The following NTRK2 variants were observed in gnomAD, a reference collection of about 807,000 sequenced individuals.
NTRK2 encodes neurotrophic receptor tyrosine kinase 2.
Under a neutral mutation model 94.5 loss-of-function variants are expected in NTRK2, and 13 were observed. The ratio of observed to expected loss-of-function variants is 0.14; its 90% confidence interval spans 0.09 to 0.22. The LOEUF is 0.22. Ranked by LOEUF, NTRK2 falls within the 10% of genes least tolerant of loss-of-function variation. NTRK2 has a pLI of 1.00. For synonymous variants in NTRK2, 372 were observed against 407.4 expected (o/e 0.91, Z 1.05); for missense variants, 639 against 1,071.2 (o/e 0.60, Z 5.63).
intron 4 of NTRK2, among the ~76,000 whole-genome samples, chr9:84,703,971 A>C (rs2131718663): frequency 6.6e-6 from 1 of 152,276 alleles, no homozygotes; most frequent in Middle Eastern, 3.4e-3. Context: ...TCAGTGGTTA[A>C]GTTCTGGTAT....
At chr9:84,902,115 G>A (rs1482000944) in intron 14 of NTRK2, among the ~76,000 whole-genome samples, 2 of 151,388 alleles carry the variant, frequency 1.3e-5, no homozygotes, top group East Asian at 3.9e-4. Context: ...AGAATTGTTT[G>A]AACCTGGGAG....
intron 12 of NTRK2, among the ~76,000 whole-genome samples, chr9:84,790,689 A>C (rs4877881): frequency 0.084 from 12,838 of 152,162 alleles, 952 homozygotes; most frequent in African/African-American, 0.19. Context: ...ATATGGTTTT[A>C]AGTGTGGGGC....
chr9:84,926,618 G>T (rs2077830248), intron 14 of NTRK2, among the ~76,000 whole-genome samples: 1 of 151,984 alleles, frequency 6.6e-6, no homozygotes, highest in Non-Finnish European at 1.5e-5. Flanking sequence ...AATCCACTCT[G>T]GACTTTTCTT....
At chr9:84,891,382 T>C (rs894925239) in intron 14 of NTRK2, among the ~76,000 whole-genome samples, 5 of 151,888 alleles carry the variant, frequency 3.3e-5, no homozygotes, top group African/African-American at 1.2e-4. Flanking sequence ...CACGGTGCAT[T>C]GGAGGCCATC....
At chr9:84,982,120 C>A (rs531641087) in intron 17 of NTRK2, among the ~76,000 whole-genome samples, 1 of 152,306 alleles carries the variant, frequency 6.6e-6, no homozygotes, top group East Asian at 1.9e-4. Context: ...ATATTTTGCA[C>A]ACCCCCATGG....
intron 9 of NTRK2, among the ~76,000 whole-genome samples, chr9:84,738,149 G>T (rs1192788022): frequency 6.6e-6 from 1 of 151,344 alleles, no homozygotes; most frequent in Non-Finnish European, 1.5e-5. Context: ...AAGATTTAAG[G>T]CTTGACGCTA....
chr9:84,778,143 G>A (rs797004356), intron 12 of NTRK2, among the ~76,000 whole-genome samples: 61 of 152,194 alleles, frequency 4.0e-4, no homozygotes, highest in African/African-American at 1.4e-3. Context: ...GGCACCTGTC[G>A]TCCCAGCTAC....
At chr9:84,889,207 G>T (rs2076522201) in intron 14 of NTRK2, among the ~76,000 whole-genome samples, 1 of 149,238 alleles carries the variant, frequency 6.7e-6, no homozygotes, top group South Asian at 2.1e-4. Context: ...AGCCAGGATG[G>T]TCTCGATCTC....
In NTRK2 at chr9:85,025,999, G is replaced by T. The variant is rs1833014456; in HGVS notation, c.*4562G>T. Reference sequence around the variant, plus strand: ...GCTGGAATGAATCACTGCTGCTCAAGTCAAAGGTTCTTGAATATCCTTAGT... The same window carrying T: ...GCTGGAATGAATCACTGCTGCTCAATTCAAAGGTTCTTGAATATCCTTAGT... On this transcript the variant is annotated 3_prime_UTR_variant, in exon 19 of 19. Transcript: ENST00000277120. 1 of 232,186 alleles carries T rather than the reference G, an allele frequency of 4.3e-6. No homozygotes were observed. 14.4% of individuals were successfully genotyped at this position (232,186 alleles called of 1,614,324 possible).
chr9:84,938,574 G>A (rs1164684261), intron 15 of NTRK2, among the ~76,000 whole-genome samples: 3 of 152,110 alleles, frequency 2.0e-5, no homozygotes, highest in Non-Finnish European at 4.4e-5. Context: ...CTTATTTAAT[G>A]AATGGCATTG....
At chr9:84,901,442 C>G (rs1034791075) in intron 14 of NTRK2, among the ~76,000 whole-genome samples, 1 of 152,054 alleles carries the variant, frequency 6.6e-6, no homozygotes, top group Non-Finnish European at 1.5e-5. Context: ...CCATCTTAGC[C>G]AGGATGGTCT....
chr9:84,814,934 C>G, intron 12 of NTRK2: 1 of 1,059,888 alleles, frequency 9.4e-7, no homozygotes, highest in Non-Finnish European at 1.1e-6. Flanking sequence ...GTTCACATGC[C>G]TGTAGTACCT....
At chr9:84,919,463 A>G (rs1321729816) in intron 14 of NTRK2, among the ~76,000 whole-genome samples, 1 of 152,216 alleles carries the variant, frequency 6.6e-6, no homozygotes, top group Non-Finnish European at 1.5e-5. Flanking sequence ...TGAAAGGCCA[A>G]GTTTAAGGCC....
chr9:84,768,746 G>A (rs2066259560), intron 12 of NTRK2, among the ~76,000 whole-genome samples: 2 of 152,092 alleles, frequency 1.3e-5, no homozygotes, highest in Admixed American at 6.6e-5. Flanking sequence ...GTATGGAACT[G>A]GGCTCAACTC....
chr9:84,975,502 T>G (rs970269413), intron 17 of NTRK2, among the ~76,000 whole-genome samples: 1 of 152,172 alleles, frequency 6.6e-6, no homozygotes, highest in African/African-American at 2.4e-5. Flanking sequence ...GCCATCACAT[T>G]GGCGTTATTT....
chr9:84,852,744 AAG>A (rs913015917), intron 12 of NTRK2, among the ~76,000 whole-genome samples: 7 of 152,218 alleles, frequency 4.6e-5, no homozygotes, highest in African/African-American at 1.4e-4. Context: ...TACAAAACAA[AAG>A]AGAGAAATAG....
chr9:84,929,624 C>T lies in NTRK2; in HGVS notation c.1634-4538C>T, dbSNP rs138296531. On this transcript the variant is annotated intron_variant, in intron 14 of 18. Coordinates refer to ENST00000277120, the MANE Select transcript of NTRK2 (RefSeq NM_006180.6). ...TTGCCCAGGCTGGAGTGCAGTGGCACGATCCCTGCTCACTGCAACCTCTGC... is the reference window on the plus strand; with the variant it reads ...TTGCCCAGGCTGGAGTGCAGTGGCATGATCCCTGCTCACTGCAACCTCTGC... 5.7e-4 allele frequency among the ~76,000 whole-genome samples: 86 copies of T among 151,526 alleles called. 1 individual carries two copies. The highest frequency in any genetic ancestry group is 3.3e-3 in the Admixed American group (50 of 15,192).
chr9:85,019,399 T>C (rs954278551), intron 17 of NTRK2, among the ~76,000 whole-genome samples: 3 of 152,214 alleles, frequency 2.0e-5, no homozygotes, highest in Non-Finnish European at 4.4e-5. Context: ...CGGGCATCCC[T>C]GACAAACCTG....
intron 12 of NTRK2, among the ~76,000 whole-genome samples, chr9:84,790,368 A>C (rs1366366190): frequency 6.6e-6 from 1 of 152,204 alleles, no homozygotes; most frequent in African/African-American, 2.4e-5. Flanking sequence ...GTGGATAATG[A>C]AAAAAAGCAG....
Sources: allele counts gnomAD v4.1 joint callset (sites outside exome capture counted in the v4.1 genomes callset), GRCh38; gene constraint gnomAD v4.1.1; transcripts MANE v1.5; gene names NCBI Gene and HGNC (gene_info 2026-07-23, HGNC 2026-07-21).